The following SEMA3A variants were observed in gnomAD, a reference collection of about 807,000 sequenced individuals.
SEMA3A encodes the protein semaphorin 3A.
Under a neutral mutation model 97.9 loss-of-function variants are expected in SEMA3A, and 29 were observed. That is an observed-to-expected ratio of 0.30 (90% CI 0.22 to 0.40). The LOEUF is 0.40. SEMA3A is among the 10% of genes least tolerant of loss of function. The probability of loss-of-function intolerance (pLI) is 1.00; values close to 1 mark genes in which losing one functional copy is unlikely to be tolerated. For synonymous variants in SEMA3A, 321 were observed against 323.7 expected (o/e 0.99, Z 0.09); for missense variants, 763 against 951.3 (o/e 0.80, Z 2.60).
At chr7:84,170,540 T>C (rs1797353848) in intron 1 of SEMA3A, among the ~76,000 whole-genome samples, 1 of 152,044 alleles carries the variant, frequency 6.6e-6, no homozygotes. Flanking sequence ...AGATAAAGTT[T>C]ATATGTGTGC....
chr7:84,029,153 T>C (rs1426193117), intron 6 of SEMA3A, among the ~76,000 whole-genome samples: 1 of 152,156 alleles, frequency 6.6e-6, no homozygotes, highest in African/African-American at 2.4e-5. Context: ...TTATATAACT[T>C]TTTTTGTTAT....
intron 14 of SEMA3A, among the ~76,000 whole-genome samples, chr7:83,977,698 CT>C (rs1263438376): frequency 6.6e-6 from 1 of 151,340 alleles, no homozygotes; most frequent in African/African-American, 2.4e-5. Context: ...TTTAAATAGA[CT>C]TTTGCTAAAT....
intron 12 of SEMA3A, among the ~76,000 whole-genome samples, chr7:83,986,692 A>G (rs1183724166): frequency 6.6e-6 from 1 of 152,180 alleles, no homozygotes; most frequent in Admixed American, 6.6e-5. Flanking sequence ...CTCACTGTGT[A>G]GGTGACCGAA....
At chr7:84,119,876 T>A (rs912767989) in intron 3 of SEMA3A, among the ~76,000 whole-genome samples, 1 of 152,136 alleles carries the variant, frequency 6.6e-6, no homozygotes, top group South Asian at 2.1e-4. Flanking sequence ...TATAAAATAC[T>A]TACTGTACTC....
intron 5 of SEMA3A, among the ~76,000 whole-genome samples, chr7:84,053,120 G>A (rs1010889789): frequency 1.4e-5 from 2 of 139,742 alleles, no homozygotes; most frequent in African/African-American, 5.0e-5. Context: ...GCTGAGGAGA[G>A]CTTTACTTCC....
intron 1 of SEMA3A, among the ~76,000 whole-genome samples, chr7:84,465,202 G>A (rs549458260): frequency 2.6e-5 from 4 of 152,234 alleles, no homozygotes; most frequent in East Asian, 1.9e-4. Flanking sequence ...TATACAACCA[G>A]TGTTTTCTAA....
chr7:84,055,093 A>T (rs960103118), intron 5 of SEMA3A, among the ~76,000 whole-genome samples: 2 of 151,946 alleles, frequency 1.3e-5, no homozygotes, highest in African/African-American at 4.8e-5. Flanking sequence ...TGGGAGAACC[A>T]CTGCTCTCTT....
chr7:84,253,732 T>C (rs759447846), intron 3 of SEMA3A, among the ~76,000 whole-genome samples: 14 of 152,104 alleles, frequency 9.2e-5, no homozygotes, highest in Admixed American at 2.0e-4. Flanking sequence ...AAGATAAAGA[T>C]ACCTGGAAAT....
At chr7:84,062,785 G>C (rs565221775) in intron 4 of SEMA3A, among the ~76,000 whole-genome samples, 4 of 152,122 alleles carry the variant, frequency 2.6e-5, no homozygotes, top group Non-Finnish European at 5.9e-5. Flanking sequence ...ACGGAGTCTC[G>C]CTGATTGCTA....
At chr7:84,196,846 T>C (rs1322925093), upstream of SEMA3A, among the ~76,000 whole-genome samples, 2 of 152,256 alleles carry the variant, frequency 1.3e-5, no homozygotes, top group East Asian at 3.9e-4. Context: ...TTCATTAGTA[T>C]ATATTTTATA....
chr7:84,393,651 A>T (rs1006027972), intron 1 of SEMA3A, among the ~76,000 whole-genome samples: 1 of 152,150 alleles, frequency 6.6e-6, no homozygotes, highest in Non-Finnish European at 1.5e-5. Context: ...TGTTTTAACC[A>T]TAAATCTCTA....
At chr7:84,039,616 G>A (rs1378359415) in intron 6 of SEMA3A, among the ~76,000 whole-genome samples, 1 of 152,062 alleles carries the variant, frequency 6.6e-6, no homozygotes, top group Non-Finnish European at 1.5e-5. Context: ...TTGACAGGCA[G>A]CAGAATCTGG....
At chr7:84,280,209 TA>T (rs1487410633) in intron 3 of SEMA3A, among the ~76,000 whole-genome samples, 1 of 152,120 alleles carries the variant, frequency 6.6e-6, no homozygotes, top group Non-Finnish European at 1.5e-5. Flanking sequence ...TTATTTTGAA[TA>T]AAAGTTATTT....
chr7:84,019,080 C>T (rs1791218514), intron 6 of SEMA3A, among the ~76,000 whole-genome samples: 1 of 151,948 alleles, frequency 6.6e-6, no homozygotes, highest in South Asian at 2.1e-4. Flanking sequence ...ATGCAGAGAT[C>T]AATTGAAAAT....
At chr7:84,281,418 G>A (rs1304813057) in intron 3 of SEMA3A, among the ~76,000 whole-genome samples, 1 of 152,124 alleles carries the variant, frequency 6.6e-6, no homozygotes, top group Non-Finnish European at 1.5e-5. Flanking sequence ...CATGGAAACT[G>A]GGTGGAAGTT....
chr7:84,021,907 C>CATGCTTCT (rs1401246504), intron 6 of SEMA3A, among the ~76,000 whole-genome samples: 8 of 152,232 alleles, frequency 5.3e-5, no homozygotes, highest in African/African-American at 1.9e-4. Context: ...AATGCTTATA[C>CATGCTTCT]ATGCTTCTTT....
chr7:84,485,299 G>GA lies in SEMA3A; in HGVS notation c.-246+7160dup, dbSNP rs138739425. 0.013 allele frequency among the ~76,000 whole-genome samples: 2,044 copies of GA among 151,814 alleles called. 94 individuals are homozygous for GA. The East Asian group carries it at 0.16, about 12-fold the overall frequency. The stretch of plus-strand genomic sequence containing the variant: ...ATACTTCCATCATTATTTAAGAAGT[G>GA]AAAAAATCAAAGTTTTTTGGTACTA... On this transcript the variant is annotated intron_variant, in intron 1 of 3. Transcript: ENST00000424555.
At chr7:84,062,579 A>C (rs1266069911) in intron 4 of SEMA3A, among the ~76,000 whole-genome samples, 2 of 152,196 alleles carry the variant, frequency 1.3e-5, no homozygotes, top group African/African-American at 4.8e-5. Context: ...GCGCGAGCCG[A>C]AGCAGGGCGA....
intron 4 of SEMA3A, among the ~76,000 whole-genome samples, chr7:84,097,301 C>T (rs568457734): frequency 2.0e-5 from 3 of 152,078 alleles, no homozygotes; most frequent in Non-Finnish European, 4.4e-5. Context: ...TTGTGCTAAT[C>T]TCAAGTGAGG....
Sources: allele counts gnomAD v4.1 joint callset (sites outside exome capture counted in the v4.1 genomes callset), GRCh38; gene constraint gnomAD v4.1.1; transcripts MANE v1.5; gene names NCBI Gene and HGNC (gene_info 2026-07-23, HGNC 2026-07-21).